ATXN7L1: variants seen among roughly 807,000 people sequenced by gnomAD.
ATXN7L1 encodes ataxin 7 like 1.
ATXN7L1 carries 15 observed loss-of-function variants against 70.8 expected under a neutral mutation model. The ratio of observed to expected loss-of-function variants is 0.21; its 90% CI spans 0.14 to 0.33. The LOEUF is 0.33. Among genes scored for constraint, ATXN7L1 ranks in the 10% least tolerant of loss-of-function variants. ATXN7L1 has a pLI of 1.00. For missense variants in ATXN7L1, 975 were observed against 1,097.1 expected (o/e 0.89, Z 1.57); for synonymous variants, 440 against 445.1 (o/e 0.99, Z 0.14).
At chr7:105,649,151 T>C (rs1309231860) in intron 4 of ATXN7L1, among the ~76,000 whole-genome samples, 1 of 152,218 alleles carries the variant, frequency 6.6e-6, no homozygotes, top group East Asian at 1.9e-4. Flanking sequence ...GATTGTCCTT[T>C]CTTTGTGGAG....
At chr7:105,785,088 C>T (rs1183769131) in intron 3 of ATXN7L1, among the ~76,000 whole-genome samples, 2 of 152,228 alleles carry the variant, frequency 1.3e-5, no homozygotes, top group African/African-American at 4.8e-5. Flanking sequence ...AAAGCACTGA[C>T]CTCCTAAGCC....
intron 3 of ATXN7L1, among the ~76,000 whole-genome samples, chr7:105,695,004 A>T (rs7804219): frequency 0.38 from 58,162 of 151,990 alleles, 11,572 homozygotes; most frequent in East Asian, 0.56. Flanking sequence ...TACAAAAATT[A>T]GTTGGGCGTG....
Position 105,614,097 on chromosome 7 carries a change from G to C in ATXN7L1, c.2237C>G (p.Ser746Cys). 6.4e-7 allele frequency: 1 copy of C among 1,551,746 alleles called. No homozygotes were observed. Among genetic ancestry groups the C allele is most frequent in the Non-Finnish European group, 8.7e-7 (1 of 1,147,014 alleles). Reference protein sequence around the residue: ...VGGSSDSCPLSVPSLALHAGD... With the variant: ...VGGSSDSCPLCVPSLALHAGD... ...TGCGTGGAGCGCAAGGGAGGGCACAGAGAGGGGACAGGAGTCACTGCTGCC... is the reference window on the plus strand; with the variant it reads ...TGCGTGGAGCGCAAGGGAGGGCACACAGAGGGGACAGGAGTCACTGCTGCC... Residue 746 changes from serine to cysteine, a missense_variant, in exon 10 of 12, where the codon TCT becomes TGT. Physicochemically the swap from Ser to Cys is moderately radical, Grantham distance 112. Coordinates refer to ENST00000419735, the MANE Select transcript of ATXN7L1 (RefSeq NM_020725.2). This position sits in a 1 kb window ranked among gnomAD's most constrained non-coding sequence, Gnocchi z 4.3.
intron 2 of ATXN7L1, among the ~76,000 whole-genome samples, chr7:105,862,226 G>C (rs1816743525): frequency 6.6e-6 from 1 of 152,166 alleles, no homozygotes; most frequent in African/African-American, 2.4e-5. Context: ...CTTGAGCCCA[G>C]GAGTTCGAGA....
chr7:105,709,055 C>T (rs189266153), intron 3 of ATXN7L1, among the ~76,000 whole-genome samples: 15 of 150,312 alleles, frequency 1.0e-4, no homozygotes, highest in Admixed American at 7.3e-4. Flanking sequence ...TATTTCTGGC[C>T]GGGCGTATTG....
intron 2 of ATXN7L1, among the ~76,000 whole-genome samples, chr7:105,867,113 A>G (rs566309588): frequency 1.3e-5 from 2 of 152,328 alleles, no homozygotes; most frequent in South Asian, 4.1e-4. Flanking sequence ...GGCTGAAAGC[A>G]TCAACATGGC....
chr7:105,758,977 G>A (rs970983839), intron 3 of ATXN7L1, among the ~76,000 whole-genome samples: 1 of 152,044 alleles, frequency 6.6e-6, no homozygotes, highest in Non-Finnish European at 1.5e-5. Context: ...TGGGGTGGCC[G>A]GGGGTGGTAA....
At chr7:105,645,769 T>A (rs1250944897) in intron 4 of ATXN7L1, among the ~76,000 whole-genome samples, 1 of 151,516 alleles carries the variant, frequency 6.6e-6, no homozygotes, top group African/African-American at 2.4e-5. Context: ...GCCGAGATAG[T>A]GCCACTGCAC....
chr7:105,651,773 A>T (rs1799876771), intron 4 of ATXN7L1, among the ~76,000 whole-genome samples: 1 of 152,190 alleles, frequency 6.6e-6, no homozygotes, highest in South Asian at 2.1e-4. Flanking sequence ...GAAGAGGAGT[A>T]AGGAGGAACT....
chr7:105,760,978 C>T (rs1209197789), intron 3 of ATXN7L1: 1 of 213,504 alleles, frequency 4.7e-6, no homozygotes, highest in East Asian at 1.8e-4. Context: ...TTACTTTTAG[C>T]TTAAGAGCAA....
At chr7:105,696,209 T>A (rs1467282108) in intron 3 of ATXN7L1, among the ~76,000 whole-genome samples, 1 of 152,216 alleles carries the variant, frequency 6.6e-6, no homozygotes, top group Admixed American at 6.5e-5. Context: ...ATCTATGTGC[T>A]CCTGTTGACT....
chr7:105,662,413 G>GC (rs1048272448), intron 4 of ATXN7L1, among the ~76,000 whole-genome samples: 1 of 152,092 alleles, frequency 6.6e-6, no homozygotes, highest in African/African-American at 2.4e-5. Flanking sequence ...GATTCTTTCT[G>GC]CCCCTTTTTG....
intron 3 of ATXN7L1, among the ~76,000 whole-genome samples, chr7:105,731,895 C>A (rs1012533812): frequency 6.6e-6 from 1 of 151,540 alleles, no homozygotes; most frequent in Non-Finnish European, 1.5e-5. Context: ...GAGTTTGAGA[C>A]CAGCCTGGCC....
Position 105,643,149 on chromosome 7 carries a change from A to G in ATXN7L1, c.579-28T>C, listed in dbSNP as rs368366158. The G allele has an allele frequency of 2.0e-6, 3 of 1,483,378 alleles. No homozygotes were observed. The African/African-American group carries it at 4.2e-5, about 21-fold the overall frequency. 91.9% of individuals were successfully genotyped at this position (1,483,378 alleles called of 1,614,324 possible). A position where few individuals can be genotyped will look rare whatever the true frequency, so the allele number is the denominator to read the frequency against. ...GAAAAATAAATGAACAAACACACACAATTGTCTTCTTTGATACATCTAGTC... is the reference window on the plus strand; with the variant it reads ...GAAAAATAAATGAACAAACACACACGATTGTCTTCTTTGATACATCTAGTC... On this transcript the variant is annotated intron_variant, in intron 4 of 11. Coordinates refer to ENST00000419735, the MANE Select transcript of ATXN7L1 (RefSeq NM_020725.2).
intron 2 of ATXN7L1, among the ~76,000 whole-genome samples, chr7:105,795,116 G>A (rs1805802087): frequency 6.6e-6 from 1 of 152,200 alleles, no homozygotes; most frequent in Admixed American, 6.5e-5. Flanking sequence ...ACCCCCAGGT[G>A]GCAGAGGAGG....
intron 3 of ATXN7L1, among the ~76,000 whole-genome samples, chr7:105,718,091 A>C (rs1222341203): frequency 8.5e-5 from 13 of 152,210 alleles, no homozygotes; most frequent in Admixed American, 8.5e-4. Flanking sequence ...ATTAGATAAA[A>C]TAATTCTGTG....
intron 4 of ATXN7L1, among the ~76,000 whole-genome samples, chr7:105,645,958 G>C (rs1388592299): frequency 4.6e-5 from 7 of 151,388 alleles, no homozygotes; most frequent in Admixed American, 4.6e-4. Flanking sequence ...AGTGCACTGA[G>C]ATCATGCCAC....
chr7:105,868,745 A>G (rs1309282425), intron 2 of ATXN7L1, among the ~76,000 whole-genome samples: 1 of 152,242 alleles, frequency 6.6e-6, no homozygotes, highest in East Asian at 1.9e-4. Flanking sequence ...ACATTATTAA[A>G]AAAAATAAGT....
intron 3 of ATXN7L1, among the ~76,000 whole-genome samples, chr7:105,733,905 A>C (rs1351312478): frequency 1.3e-5 from 1 of 77,962 alleles, no homozygotes; most frequent in African/African-American, 5.0e-5. Context: ...TCCATCCATC[A>C]TCCATCATCC....
Sources: allele counts gnomAD v4.1 joint callset (sites outside exome capture counted in the v4.1 genomes callset), GRCh38; gene constraint gnomAD v4.1.1; non-coding constraint Gnocchi (gnomAD v3.1); transcripts MANE v1.5; gene names NCBI Gene and HGNC (gene_info 2026-07-23, HGNC 2026-07-21).